The following PDZRN3 variants were observed in gnomAD, a reference collection of about 807,000 sequenced individuals.
PDZRN3 encodes E3 ubiquitin-protein ligase PDZRN3.
PDZRN3 carries 38 observed loss-of-function variants against 85.7 expected under a neutral mutation model. The ratio of observed to expected loss-of-function variants is 0.44; its 90% confidence interval spans 0.34 to 0.58. The LOEUF is 0.58. Ranked by LOEUF, PDZRN3 falls within the 20% of genes least tolerant of loss-of-function variation. The probability of loss-of-function intolerance (pLI) is 0.01; values close to 1 mark genes in which losing one functional copy is unlikely to be tolerated. For synonymous variants in PDZRN3, 759 were observed against 638.0 expected, an observed-to-expected ratio of 1.19 and a Z score of -2.86; for missense variants, 1,629 against 1,506.4, an observed-to-expected ratio of 1.08 and a Z score of -1.35.
At chr3:73,463,616 T>G (rs1195365831) in intron 3 of PDZRN3, among the ~76,000 whole-genome samples, 1 of 152,212 alleles carries the variant, frequency 6.6e-6, no homozygotes, top group African/African-American at 2.4e-5. Context: ...GAAGACAGTG[T>G]GGTGATTCCT....
chr3:73,581,250 A>T (rs1031420031), intron 3 of PDZRN3, among the ~76,000 whole-genome samples: 4 of 152,226 alleles, frequency 2.6e-5, no homozygotes, highest in Non-Finnish European at 5.9e-5. Context: ...ATTTTAAAAC[A>T]CACTAAACAC....
At chr3:73,599,920 T>C (rs1402217166) in intron 3 of PDZRN3, among the ~76,000 whole-genome samples, 1 of 152,256 alleles carries the variant, frequency 6.6e-6, no homozygotes. Flanking sequence ...TATTATAAAT[T>C]ATCTTCCTTT....
At chr3:73,580,535 G>A (rs1702185257) in intron 3 of PDZRN3, among the ~76,000 whole-genome samples, 1 of 152,172 alleles carries the variant, frequency 6.6e-6, no homozygotes, top group Non-Finnish European at 1.5e-5. Flanking sequence ...ACTCACCACT[G>A]ACTCAAAGTG....
intron 3 of PDZRN3, among the ~76,000 whole-genome samples, chr3:73,590,556 T>C (rs920389842): frequency 1.3e-5 from 2 of 152,310 alleles, no homozygotes; most frequent in Admixed American, 6.5e-5. Flanking sequence ...ACAACTTTGG[T>C]ACCATCATCT....
At chr3:73,618,134 A>G (rs1195916019) in intron 1 of PDZRN3, among the ~76,000 whole-genome samples, 1 of 152,256 alleles carries the variant, frequency 6.6e-6, no homozygotes, top group Non-Finnish European at 1.5e-5. Context: ...GCAAACTAAC[A>G]TGAGCCAGTG....
chr3:73,472,104 T>C (rs986455553), intron 3 of PDZRN3, among the ~76,000 whole-genome samples: 1 of 152,132 alleles, frequency 6.6e-6, no homozygotes, highest in African/African-American at 2.4e-5. Flanking sequence ...TCACATCTGG[T>C]GTTAGCAAAG....
chr3:73,547,675 T>C (rs920183985), intron 3 of PDZRN3, among the ~76,000 whole-genome samples: 1 of 152,234 alleles, frequency 6.6e-6, no homozygotes, highest in Non-Finnish European at 1.5e-5. Flanking sequence ...CCAAACTCAC[T>C]GTCACGTGGG....
chr3:73,613,291 T>C (rs142453974), intron 1 of PDZRN3, among the ~76,000 whole-genome samples: 150 of 152,154 alleles, frequency 9.9e-4, no homozygotes, highest in Non-Finnish European at 1.8e-3. Flanking sequence ...AGGGAGATGA[T>C]ACTGACCAAG....
chr3:73,517,539 C>T (rs1306930569), intron 3 of PDZRN3, among the ~76,000 whole-genome samples: 2 of 152,164 alleles, frequency 1.3e-5, no homozygotes, highest in African/African-American at 2.4e-5. Flanking sequence ...CTAAGAGATT[C>T]TTTAAAAGGC....
intron 3 of PDZRN3, among the ~76,000 whole-genome samples, chr3:73,516,611 A>C (rs1465004173): frequency 6.6e-6 from 1 of 152,166 alleles, no homozygotes; most frequent in Non-Finnish European, 1.5e-5. Context: ...ATAAGTTTTA[A>C]ATTTTTATAT....
chr3:73,464,826 T>A (rs1419888853), intron 3 of PDZRN3, among the ~76,000 whole-genome samples: 1 of 152,252 alleles, frequency 6.6e-6, no homozygotes, highest in South Asian at 2.1e-4. Context: ...TAAAGCAAGC[T>A]AATTAATATA....
intron 3 of PDZRN3, among the ~76,000 whole-genome samples, chr3:73,564,059 T>C (rs949161468): frequency 6.6e-6 from 1 of 152,210 alleles, no homozygotes; most frequent in East Asian, 1.9e-4. Flanking sequence ...GCTGTGCCTA[T>C]TCTGCCCTCT....
At chr3:73,390,548 G>C (rs74533773) in intron 6 of PDZRN3, among the ~76,000 whole-genome samples, 1 of 151,926 alleles carries the variant, frequency 6.6e-6, no homozygotes, top group Non-Finnish European at 1.5e-5. Context: ...TCAAAACAGC[G>C]TGCATCTATG....
chr3:73,624,569 G>C lies in PDZRN3; in HGVS notation c.257C>G (p.Thr86Arg), dbSNP rs772193050. The part of the protein sequence containing the change: ...LKLDIKCAYA[T>R]RGCGRVVKLQ... The stretch of plus-strand genomic sequence containing the variant: ...CTTGACCACCCGGCCGCAGCCGCGC[G>C]TCGCGTACGCGCACTTGATGTCCAG... Residue 86 changes from threonine to arginine, a missense_variant, in exon 1 of 10, where the codon ACG (threonine) becomes AGG (arginine). Coordinates refer to ENST00000263666, the MANE Select transcript of PDZRN3 (RefSeq NM_015009.3). 7 of 1,537,114 alleles carry C rather than the reference G, an allele frequency of 4.6e-6. No homozygotes were observed. In the Admixed American group the frequency reaches 6.0e-5, roughly 13 times the overall value.
Position 73,384,645 on chromosome 3 carries a change from C to G in PDZRN3, c.1921G>C (p.Asp641His). 2 of 1,613,936 alleles carry G rather than the reference C, an allele frequency of 1.2e-6. No individual in the cohort carries two copies. The highest frequency in any genetic ancestry group is 2.2e-5 in the South Asian group (2 of 91,086). The change falls in exon 10 of 10, where the codon GAC (aspartate) becomes CAC (histidine). Residue 641 changes from aspartate (D) to histidine (H), a missense_variant. Asp to His is a moderately conservative substitution (Grantham distance 81, BLOSUM62 -1). Transcript: ENST00000263666. Reference protein sequence around the residue: ...TDADYLGIPVDECERFRELLE... With the variant: ...TDADYLGIPVHECERFRELLE... Reference sequence around the variant, plus strand: ...AGCTCGCGGAAGCGCTCGCACTCGTCCACCGGGATCCCCAGGTAGTCGGCG... The same window carrying G: ...AGCTCGCGGAAGCGCTCGCACTCGTGCACCGGGATCCCCAGGTAGTCGGCG...
chr3:73,495,049 G>A (rs4352321), intron 3 of PDZRN3, among the ~76,000 whole-genome samples: 148,058 of 152,270 alleles, frequency 0.97, 72,088 homozygotes, highest in East Asian at 1. Flanking sequence ...GCAAATGCTG[G>A]AAAACTGCCT....
chr3:73,499,697 G>A (rs1242010776), intron 3 of PDZRN3, among the ~76,000 whole-genome samples: 1 of 152,198 alleles, frequency 6.6e-6, no homozygotes, highest in Non-Finnish European at 1.5e-5. Context: ...GGTGGTGGTG[G>A]TTGGGTCTTC....
At chr3:73,397,534 C>T (rs1321844192) in intron 5 of PDZRN3, among the ~76,000 whole-genome samples, 1 of 152,228 alleles carries the variant, frequency 6.6e-6, no homozygotes, top group Non-Finnish European at 1.5e-5. Flanking sequence ...ACTCATTTCT[C>T]AGCATGCGGG....
At chr3:73,461,897 C>T (rs1430700825) in intron 3 of PDZRN3, among the ~76,000 whole-genome samples, 1 of 152,102 alleles carries the variant, frequency 6.6e-6, no homozygotes, top group Non-Finnish European at 1.5e-5. Context: ...GTTGTCATCT[C>T]CCAGATACTC....
Sources: gnomAD v4.1 joint callset for allele counts (sites outside exome capture counted in the v4.1 genomes callset) on GRCh38, gnomAD v4.1.1 for gene constraint, MANE v1.5 for transcripts, NCBI Gene and HGNC (gene_info 2026-07-23, HGNC 2026-07-21) for gene names.